DUSP8: variants seen among roughly 807,000 people sequenced by gnomAD.
The protein encoded by DUSP8 is dual specificity phosphatase 8, also known as dual specificity protein phosphatase 8.
A neutral mutation model predicts 38.7 loss-of-function variants in DUSP8; 15 were observed. The observed-to-expected ratio is 0.39, with a 90% CI of 0.26 to 0.60. DUSP8 has a LOEUF of 0.60. Ranked by LOEUF, DUSP8 falls within the 20% of genes least tolerant of loss-of-function variation. DUSP8 has a pLI of 0.56. For synonymous variants in DUSP8, 458 were observed against 433.9 expected, an observed-to-expected ratio of 1.06 and a Z score of -0.69; for missense variants, 768 against 915.0, an observed-to-expected ratio of 0.84 and a Z score of 2.07.
At position 1,554,632 on chromosome 11, in the gene DUSP8, GGAAGGGGGAAGGGA is replaced by G. The variant is rs1013564188; in HGVS notation, c.*1872_*1885del. 5 of 987,354 alleles carry G rather than the reference GGAAGGGGGAAGGGA, an allele frequency of 5.1e-6. No individual in the cohort carries two copies. Among genetic ancestry groups the G allele is most frequent in the South Asian group, 9.4e-5 (2 of 21,374 alleles). 61.2% of individuals were successfully genotyped at this position (987,354 alleles called of 1,614,324 possible). A position where few individuals can be genotyped will look rare whatever the true frequency, so the allele number is the denominator to read the frequency against. The stretch of plus-strand genomic sequence containing the variant: ...TCAACGGCCTGCAGAAGGGACAAGG[GGAAGGGGGAAGGGA>G]GAAGGGGGCCCAACCAGTGGCCCCA... On this transcript the variant is annotated 3_prime_UTR_variant, in exon 7 of 7. Transcript: ENST00000397374.
chr11:1,557,029 C>T lies in DUSP8; in HGVS notation c.1367G>A (p.Arg456Gln). Residue 456 changes from arginine to glutamine, a missense_variant, in exon 7 of 7, where the codon CGG (arginine) becomes CAG (glutamine). Around this residue, in one of 3 missense-constraint regions of DUSP8, gnomAD observed 474 missense variants for 430.8 expected, o/e 1.10. Coordinates refer to ENST00000397374, the MANE Select transcript of DUSP8 (RefSeq NM_004420.3). This position sits in a 1 kb window ranked among gnomAD's most constrained non-coding sequence, Gnocchi z 9.9. The part of the protein sequence containing the change: ...APEARPRPRR[R>Q]PRPPAGSPAR... Reference sequence around the variant, plus strand: ...GGGGGAGCCGGCGGGGGGCCGGGGCCGCCGGCGGGGCCGTGGGCGCGCCTC... The same window carrying T: ...GGGGGAGCCGGCGGGGGGCCGGGGCTGCCGGCGGGGCCGTGGGCGCGCCTC... The T allele has an allele frequency of 9.5e-7, 1 of 1,055,840 alleles. No individual in the cohort carries two copies. The highest frequency in any genetic ancestry group is 4.4e-5 in the South Asian group (1 of 22,810). 65.4% of individuals were successfully genotyped at this position (1,055,840 alleles called of 1,614,324 possible). A position where few individuals can be genotyped will look rare whatever the true frequency, so the allele number is the denominator to read the frequency against.
intron 2 of DUSP8, among the ~76,000 whole-genome samples, chr11:1,565,289 C>G (rs2279478): frequency 0.54 from 82,304 of 152,146 alleles, 22,668 homozygotes; most frequent in African/African-American, 0.56. Flanking sequence ...TGGGTTGGCC[C>G]TGGCCACACA....
chr11:1,558,181 G>A lies in DUSP8; in HGVS notation c.628C>T (p.Arg210Trp), dbSNP rs1339819482. The change falls in exon 5 of 7, where the codon CGG (arginine) becomes TGG (tryptophan). Residue 210 changes from arginine to tryptophan, a missense_variant. Physicochemically the swap from Arg to Trp is moderately radical, Grantham distance 101. Transcript: ENST00000397374. This position sits in a 1 kb window ranked among gnomAD's most constrained non-coding sequence, Gnocchi z 6.3. ...CAGTAGTTGTCGTTGATGGGGACCC[G>A]CATGAAGCGGCTCTCGCAGATGAAG... ...PDFICESRFM[R>W]VPINDNYCEK... 12 of 1,611,588 alleles carry A rather than the reference G, an allele frequency of 7.4e-6. No homozygotes were observed. Among genetic ancestry groups the A allele is most frequent in the Non-Finnish European group, 1.0e-5 (12 of 1,179,750 alleles).
At chr11:1,562,781 G>A (rs1848742874) in intron 3 of DUSP8, among the ~76,000 whole-genome samples, 1 of 152,262 alleles carries the variant, frequency 6.6e-6, no homozygotes, top group Middle Eastern at 3.4e-3. Flanking sequence ...ATGCACAGAC[G>A]CACAGACACC....
At chr11:1,560,194 C>T (rs1459705747) in intron 3 of DUSP8, among the ~76,000 whole-genome samples, 1 of 152,162 alleles carries the variant, frequency 6.6e-6, no homozygotes, top group East Asian at 1.9e-4. Context: ...GAGCCTGAGG[C>T]AGCTGGGCTG....
chr11:1,563,336 C>T (rs905857841), intron 3 of DUSP8, among the ~76,000 whole-genome samples: 3 of 152,180 alleles, frequency 2.0e-5, no homozygotes, highest in Non-Finnish European at 2.9e-5. Context: ...TGTGTATCAG[C>T]GTGTGTAGGG....
intron 3 of DUSP8, 100 bp from the exon 4 acceptor site, chr11:1,559,155 G>A (rs1039785016): frequency 1.9e-5 from 23 of 1,229,550 alleles, no homozygotes; most frequent in Non-Finnish European, 2.4e-5. Context: ...TACTGCTGAG[G>A]ATCAGTCACA....
In DUSP8 at chr11:1,565,730, G is replaced by A. The variant is rs1848791882; in HGVS notation, c.97C>T (p.Arg33Cys). The change falls in exon 2 of 7, where the codon CGC becomes TGC. Residue 33 changes from arginine (R) to cysteine (C), a missense_variant. By Grantham distance (180) the Arg-to-Cys change is radical (BLOSUM62 -3). Coordinates refer to ENST00000397374, the MANE Select transcript of DUSP8 (RefSeq NM_004420.3). ...CAGCTGTTGTACTCCACGAAGGAGC[G>A]GCTGTCGATGACCAGCGGCCCCCCA... ...GPGGPLVIDS[R>C]SFVEYNSWHV... is the part of the protein sequence containing the mutation. 1.9e-6 allele frequency: 3 copies of A among 1,611,712 alleles called. No homozygotes were observed. The highest frequency in any genetic ancestry group is 2.5e-6 in the Non-Finnish European group (3 of 1,179,658).
rs7129499 is a variant in DUSP8 at position 1,556,860 on chromosome 11, G to A, written c.1536C>T (p.Leu512=). Residue 512 remains leucine (L), a synonymous_variant, in exon 7 of 7, where the codon CTC becomes CTT. Transcript: ENST00000397374. This position sits in a 1 kb window ranked among gnomAD's most constrained non-coding sequence, Gnocchi z 5.2. ...CGGGCGACGGCGTGCCTGGGGAGTC[G>A]AGCGGCGGTGCCCAGGCCCCGGGGC... ...PAGPGAWAPP[L]DSPGTPSPDG... is the part of the protein sequence containing the mutation. The A allele has an allele frequency of 0.5, 561,372 of 1,129,890 alleles. 140,035 individuals are homozygous for A. Among genetic ancestry groups the A allele is most frequent in the African/African-American group, 0.51 (31,124 of 60,452 alleles). The allele number at this position is 1,129,890 out of a possible 1,614,324, so 70.0% of individuals were successfully genotyped here. A position where few individuals can be genotyped will look rare whatever the true frequency, so the allele number is the denominator to read the frequency against.
intron 1 of DUSP8, among the ~76,000 whole-genome samples, chr11:1,566,522 G>A (rs1462688482): frequency 1.3e-5 from 2 of 152,196 alleles, no homozygotes; most frequent in African/African-American, 2.4e-5. Context: ...GCTCCCGGGG[G>A]CAGCCGGATA....
rs148780100 is a variant in DUSP8 at position 1,558,251 on chromosome 11, T to G, written c.558A>C (p.Gly186=). The G allele has an allele frequency of 7.2e-7, 1 of 1,386,306 alleles. No homozygotes were observed. The highest frequency in any genetic ancestry group is 1.7e-5 in the African/African-American group (1 of 60,408). 85.9% of individuals were successfully genotyped at this position (1,386,306 alleles called of 1,614,324 possible). Residue 186 remains glycine, a synonymous_variant, in exon 5 of 7, where the codon GGA becomes GGC. Coordinates refer to ENST00000397374, the MANE Select transcript of DUSP8 (RefSeq NM_004420.3). This position sits in a 1 kb window ranked among gnomAD's most constrained non-coding sequence, Gnocchi z 6.3. ...VLNKDLMTQN[G]ISYVLNASNS... ...TGCTGGCGTTGAGGACGTAGCTTAT[T>G]CCATTTTGCGTCATCAGATCCTGGA...
rs1268603074 is a variant in DUSP8, at chr11:1,565,757, G to A, written c.70C>T (p.Pro24Ser). 1 of 1,611,566 alleles carries A rather than the reference G, an allele frequency of 6.2e-7. No individual in the cohort carries two copies. The highest frequency in any genetic ancestry group is 8.5e-7 in the Non-Finnish European group (1 of 1,179,498). Residue 24 changes from proline to serine, a missense_variant, in exon 2 of 7, where the codon CCT (proline) becomes TCT (serine). Pro to Ser is a moderately conservative substitution (Grantham distance 74). Around this residue, in one of 3 missense-constraint regions of DUSP8, gnomAD observed 252 missense variants for 410.4 expected, o/e 0.61. Transcript: ENST00000397374. Reference sequence around the variant, plus strand: ...CTGTCGATGACCAGCGGCCCCCCAGGCCCGCCCCGCAGCAGGCTGGCCAGC... The same window carrying A: ...CTGTCGATGACCAGCGGCCCCCCAGACCCGCCCCGCAGCAGGCTGGCCAGC... The part of the protein sequence containing the change: ...KKLASLLRGG[P>S]GGPLVIDSRS...
At position 1,565,924 on chromosome 11, in the gene DUSP8, TG is replaced by T; in HGVS notation, c.-99del. 2.9e-6 allele frequency: 3 copies of T among 1,038,130 alleles called. No homozygotes were observed. The highest frequency in any genetic ancestry group is 4.4e-6 in the Non-Finnish European group (3 of 681,732). The allele number at this position is 1,038,130 out of a possible 1,614,324, so 64.3% of individuals were successfully genotyped here. On this transcript the variant is annotated 5_prime_UTR_variant, in exon 2 of 7. Coordinates refer to ENST00000397374, the MANE Select transcript of DUSP8 (RefSeq NM_004420.3). ...CTCGCGCTGGGAGTGACCTAGCACA[TG>T]GTGCTGGACCTGCAGGGACAGGGGG...
At chr11:1,560,623 T>C (rs1251121988) in intron 3 of DUSP8, among the ~76,000 whole-genome samples, 2 of 152,202 alleles carry the variant, frequency 1.3e-5, no homozygotes, top group Admixed American at 1.3e-4. Flanking sequence ...AGGTGACTTG[T>C]CACCAACGAC....
chr11:1,565,756 G>A lies in DUSP8; in HGVS notation c.71C>T (p.Pro24Leu). Residue 24 changes from proline (P) to leucine (L), a missense_variant, in exon 2 of 7, where the codon CCT (proline) becomes CTT (leucine). By Grantham distance (98) the Pro-to-Leu change is moderately conservative. Transcript: ENST00000397374. ...KKLASLLRGGPGGPLVIDSRS... is the reference protein window; with the variant it reads ...KKLASLLRGGLGGPLVIDSRS... ...GCTGTCGATGACCAGCGGCCCCCCA[G>A]GCCCGCCCCGCAGCAGGCTGGCCAG... 6.2e-7 allele frequency: 1 copy of A among 1,611,644 alleles called. No individual in the cohort carries two copies. Among genetic ancestry groups the A allele is most frequent in the Non-Finnish European group, 8.5e-7 (1 of 1,179,558 alleles).
Position 1,556,958 on chromosome 11 carries a change from C to T in DUSP8, c.1438G>A (p.Ala480Thr). 1.9e-6 allele frequency: 2 copies of T among 1,065,054 alleles called. No homozygotes were observed. The highest frequency in any genetic ancestry group is 2.3e-6 in the Non-Finnish European group (2 of 882,876). The allele number at this position is 1,065,054 out of a possible 1,614,324, so 66.0% of individuals were successfully genotyped here. Residue 480 changes from alanine to threonine, a missense_variant, in exon 7 of 7, where the codon GCC becomes ACC. Transcript: ENST00000397374. This position sits in a 1 kb window ranked among gnomAD's most constrained non-coding sequence, Gnocchi z 5.2. ...AGGCCGTGCCGCGGAGTCTGCCGGG[C>T]CGCATCGCCGAAGTTCAGGCCGAGG... ...HSLGLNFGDA[A>T]RQTPRHGLSA... is the part of the protein sequence containing the mutation.
chr11:1,559,324 C>A (rs924150986), intron 3 of DUSP8: 9 of 452,678 alleles, frequency 2.0e-5, no homozygotes, highest in Non-Finnish European at 3.1e-5. Context: ...CTGAGGACGC[C>A]GCTAGGATGC....
intron 3 of DUSP8, among the ~76,000 whole-genome samples, chr11:1,560,164 A>T (rs1223196174): frequency 2.0e-5 from 3 of 152,164 alleles, no homozygotes; most frequent in Non-Finnish European, 4.4e-5. Flanking sequence ...CCCCATGGCA[A>T]GCCGGCTCCT....
In DUSP8 at chr11:1,557,436, C is replaced by T. The variant is rs781652418; in HGVS notation, c.960G>A (p.Pro320=). 2.7e-5 allele frequency: 42 copies of T among 1,563,002 alleles called. No individual in the cohort carries two copies. Among genetic ancestry groups the T allele is most frequent in the Non-Finnish European group, 3.2e-5 (37 of 1,166,394 alleles). ...GCGGGGCCCCGGCGGCAGGACTGGGCGGAGGCTCCGGCGTCCCTGAGGGGG... is the reference window on the plus strand; with the variant it reads ...GCGGGGCCCCGGCGGCAGGACTGGGTGGAGGCTCCGGCGTCCCTGAGGGGG... ...PGTPSGTPEP[P]PSPAAGAPLP... The change falls in exon 7 of 7, where the codon CCG becomes CCA. Residue 320 remains proline (P), a synonymous_variant. Transcript: ENST00000397374. This position sits in a 1 kb window ranked among gnomAD's most constrained non-coding sequence, Gnocchi z 9.9.
Sources: allele counts gnomAD v4.1 joint callset (sites outside exome capture counted in the v4.1 genomes callset), GRCh38; gene constraint gnomAD v4.1.1; regional missense constraint gnomAD v4.1.1; non-coding constraint Gnocchi (gnomAD v3.1); transcripts MANE v1.5; gene names NCBI Gene and HGNC (gene_info 2026-07-23, HGNC 2026-07-21).